The following HSDL2 variants were observed in gnomAD, a reference collection of about 807,000 sequenced individuals.
HSDL2 encodes the protein hydroxysteroid dehydrogenase like 2.
Under a neutral mutation model 46.3 loss-of-function variants are expected in HSDL2, and 27 were observed. The observed-to-expected ratio is 0.58, with a 90% CI of 0.43 to 0.80. HSDL2 has a LOEUF of 0.80. Ranked by LOEUF, HSDL2 falls within the 30% of genes least tolerant of loss-of-function variation. The probability of loss-of-function intolerance (pLI) is 0.00; values close to 1 mark genes in which losing one functional copy is unlikely to be tolerated. For missense variants in HSDL2, 451 were observed against 502.7 expected, an observed-to-expected ratio of 0.90 and a Z score of 0.98; for synonymous variants, 153 against 163.6, an observed-to-expected ratio of 0.94 and a Z score of 0.50.
chr9:112,416,814 T>G (rs1160282119), intron 4 of HSDL2, 27 bp from the exon 5 acceptor site: 3 of 1,102,786 alleles, frequency 2.7e-6, no homozygotes, highest in Non-Finnish European at 4.1e-6. Context: ...GCTATTAAAT[T>G]TGGCTTGTAT....
At chr9:112,459,664 G>C in intron 10 of HSDL2, 87 bp downstream of exon 10, 1 of 1,184,838 alleles carries the variant, frequency 8.4e-7, no homozygotes, top group Non-Finnish European at 1.2e-6. Context: ...AAATAATCAA[G>C]ACTTGTAAAT....
chr9:112,385,561 C>A (rs1483020994), intron 1 of HSDL2, among the ~76,000 whole-genome samples: 1 of 132,554 alleles, frequency 7.5e-6, no homozygotes, highest in Non-Finnish European at 1.6e-5. Flanking sequence ...GCGATCTCAG[C>A]TCACTGCAGC....
rs1415514619 is a variant in HSDL2, at chr9:112,441,740, G to C, written c.835G>C (p.Glu279Gln). Residue 279 changes from glutamate (E) to glutamine (Q), a missense_variant, in exon 8 of 11, where the codon GAA becomes CAA. Physicochemically the swap from Glu to Gln is conservative, Grantham distance 29. Coordinates refer to ENST00000398805, the MANE Select transcript of HSDL2 (RefSeq NM_032303.5). ...AGATTTCTTCTTAGATGAATACCCA[G>C]AAGCAGTTAGCAAGAAAGTGGAATC... ...QPDFFLDEYP[E>Q]AVSKKVESTG... 6.2e-7 allele frequency: 1 copy of C among 1,612,492 alleles called. No homozygotes were observed. The highest frequency in any genetic ancestry group is 1.1e-5 in the South Asian group (1 of 91,040).
intron 10 of HSDL2, among the ~76,000 whole-genome samples, chr9:112,468,127 A>T (rs1411655026): frequency 6.6e-6 from 1 of 152,080 alleles, no homozygotes; most frequent in African/African-American, 2.4e-5. Flanking sequence ...TCATCTTAAG[A>T]TTATCGTTGA....
At chr9:112,445,590 T>A (rs985621745) in intron 8 of HSDL2, among the ~76,000 whole-genome samples, 5 of 152,130 alleles carry the variant, frequency 3.3e-5, no homozygotes, top group African/African-American at 1.2e-4. Flanking sequence ...AGTGGCATGA[T>A]CTTGGCTCAC....
intron 7 of HSDL2, among the ~76,000 whole-genome samples, chr9:112,439,804 C>A (rs1440917716): frequency 6.6e-6 from 1 of 152,244 alleles, no homozygotes; most frequent in African/African-American, 2.4e-5. Context: ...TGGGAGAAGA[C>A]AACCCAGCTT....
intron 1 of HSDL2, among the ~76,000 whole-genome samples, chr9:112,380,935 T>A (rs1831074760): frequency 6.6e-6 from 1 of 152,228 alleles, no homozygotes; most frequent in African/African-American, 2.4e-5. Context: ...GATTTTGTAA[T>A]TTGCCTGAAA....
At chr9:112,411,257 C>T (rs141952706) in intron 4 of HSDL2, among the ~76,000 whole-genome samples, 8 of 152,102 alleles carry the variant, frequency 5.3e-5, no homozygotes, top group South Asian at 2.1e-4. Flanking sequence ...CCAAGAGGGC[C>T]GTATGTTCAA....
intron 6 of HSDL2, among the ~76,000 whole-genome samples, chr9:112,421,508 A>G (rs1029371453): frequency 6.6e-6 from 1 of 152,088 alleles, no homozygotes; most frequent in African/African-American, 2.4e-5. Flanking sequence ...TAAATGCATG[A>G]TATTTTTGGA....
rs1832578839 is a variant in HSDL2, at chr9:112,438,586, G to A, written c.754G>A (p.Glu252Lys). ...CATTGATGAAAATATCTTAAAAGAA[G>A]AAGGAATAGAAAATTTTGACGTTTA... ...FVIDENILKEEGIENFDVYAI... is the reference protein window; with the variant it reads ...FVIDENILKEKGIENFDVYAI... Residue 252 changes from glutamate (E) to lysine (K), a missense_variant, in exon 7 of 11, where the codon GAA becomes AAA. Coordinates refer to ENST00000398805, the MANE Select transcript of HSDL2 (RefSeq NM_032303.5). 1 of 1,605,332 alleles carries A rather than the reference G, an allele frequency of 6.2e-7. No homozygotes were observed. The highest frequency in any genetic ancestry group is 8.5e-7 in the Non-Finnish European group (1 of 1,176,300).
intron 8 of HSDL2, among the ~76,000 whole-genome samples, chr9:112,442,131 T>A (rs1454217686): frequency 1.3e-5 from 2 of 151,368 alleles, no homozygotes; most frequent in African/African-American, 2.4e-5. Context: ...ACGTTGGGCG[T>A]GGTGGCACGA....
chr9:112,395,542 T>C (rs899031379), intron 1 of HSDL2, among the ~76,000 whole-genome samples: 4 of 152,232 alleles, frequency 2.6e-5, no homozygotes, highest in African/African-American at 9.6e-5. Flanking sequence ...GTACTTTCCA[T>C]TGATAATGAG....
At chr9:112,465,513 CT>C (rs34859726) in intron 10 of HSDL2, among the ~76,000 whole-genome samples, 1 of 152,186 alleles carries the variant, frequency 6.6e-6, no homozygotes, top group Non-Finnish European at 1.5e-5. Context: ...GGTTTCAAAA[CT>C]TTTTCATCAC....
At chr9:112,419,999 T>G (rs1587944490) in intron 6 of HSDL2, among the ~76,000 whole-genome samples, 1 of 152,206 alleles carries the variant, frequency 6.6e-6, no homozygotes, top group Non-Finnish European at 1.5e-5. Flanking sequence ...TTTTTCCATG[T>G]ACTAGTGGGT....
chr9:112,429,692 A>G (rs1255882266), intron 6 of HSDL2, among the ~76,000 whole-genome samples: 1 of 152,234 alleles, frequency 6.6e-6, no homozygotes, highest in African/African-American at 2.4e-5. Context: ...ATGGCAAAGT[A>G]TATAGTATGC....
intron 8 of HSDL2, among the ~76,000 whole-genome samples, chr9:112,448,819 G>A (rs964413136): frequency 3.3e-5 from 5 of 152,062 alleles, no homozygotes. Flanking sequence ...CCTCCCAAAA[G>A]TGCTGGGATT....
intron 10 of HSDL2, among the ~76,000 whole-genome samples, chr9:112,463,826 A>G (rs1255284394): frequency 6.6e-6 from 1 of 151,610 alleles, no homozygotes; most frequent in African/African-American, 2.4e-5. Context: ...ACACCTAGGT[A>G]ATTTTTGTAT....
chr9:112,465,091 A>G (rs550685968), intron 10 of HSDL2, among the ~76,000 whole-genome samples: 234 of 152,280 alleles, frequency 1.5e-3, no homozygotes, highest in African/African-American at 4.9e-3. Flanking sequence ...ATAACCTTTT[A>G]AAAAATAAAG....
intron 8 of HSDL2, among the ~76,000 whole-genome samples, chr9:112,446,151 T>G (rs1464663716): frequency 6.6e-6 from 1 of 151,976 alleles, no homozygotes; most frequent in African/African-American, 2.4e-5. Flanking sequence ...TTAGGAGATA[T>G]CTCTAGAGCT....
Sources: allele counts gnomAD v4.1 joint callset (sites outside exome capture counted in the v4.1 genomes callset), GRCh38; gene constraint gnomAD v4.1.1; transcripts MANE v1.5; gene names NCBI Gene and HGNC (gene_info 2026-07-23, HGNC 2026-07-21).